APBB2: variants seen among roughly 807,000 people sequenced by gnomAD.
APBB2 encodes the protein Fe65-like 1.
Under a neutral mutation model 82.5 loss-of-function variants are expected in APBB2, and 38 were observed. That is an observed-to-expected ratio of 0.46 (90% CI 0.36 to 0.60). APBB2 has a LOEUF of 0.60. Among genes scored for constraint, APBB2 ranks in the 20% least tolerant of loss-of-function variants. APBB2 has a pLI of 0.00. For missense variants in APBB2, 772 were observed against 972.3 expected (o/e 0.79, Z 2.74); for synonymous variants, 341 against 368.2 (o/e 0.93, Z 0.85).
At chr4:40,861,322 C>T (rs1411045512) in intron 12 of APBB2, among the ~76,000 whole-genome samples, 1 of 151,224 alleles carries the variant, frequency 6.6e-6, no homozygotes, top group Non-Finnish European at 1.5e-5. Flanking sequence ...TGCACTCCAG[C>T]CTGGGTAACA....
intron 5 of APBB2, among the ~76,000 whole-genome samples, chr4:41,032,946 G>A (rs996925097): frequency 1.2e-4 from 18 of 150,370 alleles, no homozygotes; most frequent in Non-Finnish European, 1.2e-4. Context: ...CACCATGCCC[G>A]GCTAATTTTT....
intron 10 of APBB2, among the ~76,000 whole-genome samples, chr4:40,928,280 T>G (rs1005775254): frequency 4.6e-5 from 7 of 152,324 alleles, no homozygotes; most frequent in Admixed American, 4.6e-4. Flanking sequence ...CAGTGGCTCA[T>G]GCCTGTAATC....
chr4:40,921,486 C>T (rs1434641233), intron 10 of APBB2, among the ~76,000 whole-genome samples: 4 of 152,236 alleles, frequency 2.6e-5, no homozygotes, highest in African/African-American at 7.2e-5. Flanking sequence ...TTTCCTTCTC[C>T]ATCCATCCTC....
intron 2 of APBB2, among the ~76,000 whole-genome samples, chr4:41,122,238 T>C (rs1349935436): frequency 6.6e-6 from 1 of 152,332 alleles, no homozygotes; most frequent in Non-Finnish European, 1.5e-5. Context: ...TTTTAATATA[T>C]GTTAATCAAC....
At chr4:41,070,256 T>C (rs1216051586) in intron 3 of APBB2, among the ~76,000 whole-genome samples, 1 of 152,178 alleles carries the variant, frequency 6.6e-6, no homozygotes, top group Non-Finnish European at 1.5e-5. Flanking sequence ...ACTTCTTTTA[T>C]AATAAAAGAA....
chr4:40,904,684 C>CTTTTTTTTTTT (rs5857754), intron 10 of APBB2, among the ~76,000 whole-genome samples: 2 of 133,850 alleles, frequency 1.5e-5, no homozygotes, highest in African/African-American at 2.8e-5. Flanking sequence ...TTTGTTATTG[C>CTTTTTTTTTTT]TTTTTTTTTT....
chr4:40,999,876 T>C (rs1220757459), intron 6 of APBB2, among the ~76,000 whole-genome samples: 1 of 152,024 alleles, frequency 6.6e-6, no homozygotes, highest in Non-Finnish European at 1.5e-5. Flanking sequence ...TAAATACCTA[T>C]TGTAAGAACT....
intron 12 of APBB2, among the ~76,000 whole-genome samples, chr4:40,869,226 A>G (rs1578095671): frequency 6.6e-6 from 1 of 152,184 alleles, no homozygotes; most frequent in African/African-American, 2.4e-5. Context: ...ATCCAATTTT[A>G]AAGCTGCATA....
At chr4:41,156,864 G>A (rs1464746710) in intron 1 of APBB2, among the ~76,000 whole-genome samples, 3 of 152,014 alleles carry the variant, frequency 2.0e-5, no homozygotes, top group Admixed American at 6.5e-5. Context: ...TTAGGAGTTC[G>A]AGACCAGCCG....
intron 12 of APBB2, among the ~76,000 whole-genome samples, chr4:40,846,987 C>G (rs1757871945): frequency 6.6e-6 from 1 of 151,752 alleles, no homozygotes; most frequent in Admixed American, 6.6e-5. Flanking sequence ...CTCTGAATAT[C>G]TGAGAGAAGA....
chr4:40,846,025 TG>T (rs1757515379), intron 12 of APBB2, among the ~76,000 whole-genome samples: 1 of 94,536 alleles, frequency 1.1e-5, no homozygotes, highest in Non-Finnish European at 2.1e-5. Flanking sequence ...GGTGTGTGTG[TG>T]TGTGTGTGTG....
chr4:40,820,992 C>T (rs1028464310), intron 17 of APBB2, among the ~76,000 whole-genome samples: 2 of 152,158 alleles, frequency 1.3e-5, no homozygotes, highest in African/African-American at 4.8e-5. Context: ...CCTCAGCCTC[C>T]CGAGTAGCTG....
chr4:40,914,465 C>A (rs34423527), intron 10 of APBB2, among the ~76,000 whole-genome samples: 3 of 151,922 alleles, frequency 2.0e-5, no homozygotes, highest in African/African-American at 7.3e-5. Flanking sequence ...GGCAGGAGAA[C>A]TGCTTGAACC....
intron 6 of APBB2, among the ~76,000 whole-genome samples, chr4:40,964,483 G>A (rs1053553784): frequency 5.4e-5 from 8 of 148,490 alleles, no homozygotes; most frequent in South Asian, 2.1e-4. Context: ...AGAAGTAAAC[G>A]ACATACACCC....
At position 40,856,884 on chromosome 4, in the gene APBB2, G is replaced by C. The variant is rs555739440; in HGVS notation, c.1530-26307C>G. ...CAGGCAACTCGCTAAGCGCTGACTC[G>C]GGGAAGGGAGGGCGCAGCCTTTGTC... On this transcript the variant is annotated intron_variant, in intron 12 of 17. Transcript: ENST00000508593. 80 of 934,948 alleles carry C rather than the reference G, an allele frequency of 8.6e-5. No homozygotes were observed. In the African/African-American group the frequency reaches 1.4e-3, roughly 16 times the overall value. The allele number at this position is 934,948 out of a possible 1,614,324, so 57.9% of individuals were successfully genotyped here.
chr4:40,832,013 T>C lies in APBB2; in HGVS notation c.1530-1436A>G, dbSNP rs867181232. Among the ~76,000 whole-genome samples, 1,011 of 138,894 alleles carry C rather than the reference T, an allele frequency of 7.3e-3. 11 individuals are homozygous for C. The highest frequency in any genetic ancestry group is 0.022 in the African/African-American group (800 of 37,054). The allele number at this position is 138,894 out of a possible 152,430, so 91.1% of individuals were successfully genotyped here. The stretch of plus-strand genomic sequence containing the variant: ...ACACATATTTATATATTTATTTATA[T>C]ACACACACACACACACACACACACA... On this transcript the variant is annotated intron_variant, in intron 12 of 17. Coordinates refer to ENST00000508593, the MANE Select transcript of APBB2 (RefSeq NM_004307.2). The surrounding 1 kb of genome is among the most constrained non-coding windows in gnomAD (Gnocchi z 4.8).
chr4:41,121,759 C>T (rs1272532397), intron 2 of APBB2, among the ~76,000 whole-genome samples: 1 of 152,178 alleles, frequency 6.6e-6, no homozygotes, highest in African/African-American at 2.4e-5. Flanking sequence ...TCCTCCCTCA[C>T]CCCTCAGGCC....
intron 10 of APBB2, among the ~76,000 whole-genome samples, chr4:40,905,099 G>A (rs1461109729): frequency 1.3e-5 from 2 of 152,288 alleles, no homozygotes; most frequent in Middle Eastern, 3.4e-3. Flanking sequence ...CTTCTACAAA[G>A]AGGACGGTCA....
chr4:40,830,411 T>C (rs756774452), intron 13 of APBB2, 52 bp downstream of exon 13: 3 of 1,302,488 alleles, frequency 2.3e-6, no homozygotes, highest in Non-Finnish European at 3.3e-6. Flanking sequence ...CATCCTTTTA[T>C]GCAGCAAGAA....
Sources: gnomAD v4.1 joint callset for allele counts (sites outside exome capture counted in the v4.1 genomes callset) on GRCh38, gnomAD v4.1.1 for gene constraint, Gnocchi (gnomAD v3.1) non-coding constraint, MANE v1.5 for transcripts, NCBI Gene and HGNC (gene_info 2026-07-23, HGNC 2026-07-21) for gene names.